CDH9: variants seen among roughly 807,000 people sequenced by gnomAD.
CDH9 encodes cadherin-9.
Under a neutral mutation model 70.9 loss-of-function variants are expected in CDH9, and 28 were observed. The observed-to-expected ratio is 0.40, with a 90% CI of 0.29 to 0.54. The LOEUF (loss-of-function observed/expected upper bound fraction) is 0.54. Among genes scored for constraint, CDH9 ranks in the 20% least tolerant of loss-of-function variants. CDH9 has a pLI of 0.59. For missense variants in CDH9, 874 were observed against 984.4 expected (o/e 0.89, Z 1.50); for synonymous variants, 409 against 343.1 (o/e 1.19, Z -2.12).
At chr5:26,943,332 A>G (rs964749558) in intron 2 of CDH9, among the ~76,000 whole-genome samples, 2 of 151,820 alleles carry the variant, frequency 1.3e-5, no homozygotes, top group Non-Finnish European at 2.9e-5. Flanking sequence ...ACCAACATGG[A>G]AAAACCCTGC....
intron 2 of CDH9, among the ~76,000 whole-genome samples, chr5:26,972,423 T>C (rs1005918987): frequency 6.6e-6 from 1 of 152,160 alleles, no homozygotes; most frequent in Non-Finnish European, 1.5e-5. Flanking sequence ...TGTCCCTCAG[T>C]ATATGTGGGG....
At chr5:27,014,609 T>TAC (rs1743014555) in intron 1 of CDH9, among the ~76,000 whole-genome samples, 1 of 151,860 alleles carries the variant, frequency 6.6e-6, no homozygotes, top group Non-Finnish European at 1.5e-5. Context: ...AACATATATA[T>TAC]ACACACCAAA....
In CDH9 at chr5:26,982,932, G is replaced by A. The variant is rs370287730; in HGVS notation, c.228+5174C>T. Among the ~76,000 whole-genome samples, 21 of 151,974 alleles carry A rather than the reference G, an allele frequency of 1.4e-4. 1 individual carries two copies. Among genetic ancestry groups the A allele is most frequent in the Admixed American group, 2.6e-4 (4 of 15,264 alleles). On this transcript the variant is annotated intron_variant, in intron 2 of 11. Coordinates refer to ENST00000231021, the MANE Select transcript of CDH9 (RefSeq NM_016279.4). Reference sequence around the variant, plus strand: ...AAACTCCTGACCTCGTGATTTACCCGCCTCCGCCTCCCAGAGTGTTAGGAT... The same window carrying A: ...AAACTCCTGACCTCGTGATTTACCCACCTCCGCCTCCCAGAGTGTTAGGAT...
chr5:26,941,999 C>A (rs1741670272), intron 2 of CDH9, among the ~76,000 whole-genome samples: 1 of 152,100 alleles, frequency 6.6e-6, no homozygotes, highest in South Asian at 2.1e-4. Context: ...GTAAAGCCAC[C>A]AGTTCCCCTC....
intron 1 of CDH9, among the ~76,000 whole-genome samples, chr5:27,029,104 T>C (rs1262440961): frequency 6.6e-6 from 1 of 151,998 alleles, no homozygotes; most frequent in African/African-American, 2.4e-5. Context: ...TTAAAAGAGA[T>C]AATTACAAAT....
intron 4 of CDH9, 79 bp from the exon 5 acceptor site, chr5:26,906,205 A>T: frequency 1.7e-6 from 2 of 1,156,776 alleles, no homozygotes; most frequent in Non-Finnish European, 2.5e-6. Flanking sequence ...TCATTTTACA[A>T]AAGTTGATTA....
intron 2 of CDH9, among the ~76,000 whole-genome samples, chr5:26,922,275 A>G (rs1306251158): frequency 6.6e-6 from 1 of 152,030 alleles, no homozygotes. Context: ...AAGAACAACA[A>G]GACATTTACT....
chr5:26,936,811 G>A (rs1315786829), intron 2 of CDH9, among the ~76,000 whole-genome samples: 1 of 151,676 alleles, frequency 6.6e-6, no homozygotes, highest in Non-Finnish European at 1.5e-5. Flanking sequence ...TGGACACTGG[G>A]CATCTGCATT....
chr5:26,975,700 C>G (rs1023165437), intron 2 of CDH9, among the ~76,000 whole-genome samples: 3 of 152,088 alleles, frequency 2.0e-5, no homozygotes, highest in African/African-American at 7.2e-5. Flanking sequence ...AACAAATATA[C>G]AGATAGACAA....
intron 7 of CDH9, among the ~76,000 whole-genome samples, chr5:26,898,693 C>A (rs548133295): frequency 6.6e-6 from 1 of 151,980 alleles, no homozygotes; most frequent in Non-Finnish European, 1.5e-5. Flanking sequence ...AAGACATAAA[C>A]GTAAGACCTA....
intron 1 of CDH9, among the ~76,000 whole-genome samples, chr5:27,004,205 T>C (rs1475525099): frequency 6.6e-6 from 1 of 150,964 alleles, no homozygotes; most frequent in Non-Finnish European, 1.5e-5. Context: ...ATGATATCAA[T>C]GGGAACAGCA....
intron 2 of CDH9, among the ~76,000 whole-genome samples, chr5:26,968,295 A>ATT (rs11433009): frequency 1.1e-4 from 17 of 150,746 alleles, no homozygotes. Context: ...TTTTATTTTT[A>ATT]TTTTTTTTGA....
chr5:26,950,931 A>C (rs1741832961), intron 2 of CDH9, among the ~76,000 whole-genome samples: 1 of 152,168 alleles, frequency 6.6e-6, no homozygotes, highest in African/African-American at 2.4e-5. Context: ...CTGACTAAGC[A>C]AGAGGGTAGA....
chr5:26,988,490 C>T (rs1184159499), intron 1 of CDH9, 108 bp from the exon 2 acceptor site: 1 of 902,624 alleles, frequency 1.1e-6, no homozygotes. Flanking sequence ...TTATTATGTA[C>T]TATATATACA....
chr5:26,962,997 C>A (rs1438479924), intron 2 of CDH9, among the ~76,000 whole-genome samples: 1 of 152,220 alleles, frequency 6.6e-6, no homozygotes, highest in East Asian at 1.9e-4. Flanking sequence ...TTCTCTTGAA[C>A]ACATTTACCT....
chr5:26,955,538 C>T (rs1412658574), intron 2 of CDH9, among the ~76,000 whole-genome samples: 3 of 151,674 alleles, frequency 2.0e-5, no homozygotes, highest in Non-Finnish European at 4.4e-5. Context: ...GTAATTTTCA[C>T]GTGATATCTC....
Position 26,885,469 on chromosome 5 carries a change from T to C in CDH9, c.1882+145A>G. On this transcript the variant is annotated intron_variant, in intron 11 of 11. Coordinates refer to ENST00000231021, the MANE Select transcript of CDH9 (RefSeq NM_016279.4). Reference sequence around the variant, plus strand: ...CCCCACACACAAAAACGCTTATTTTTTCCTAATTGAAAGAAGAATTTTAAT... The same window carrying C: ...CCCCACACACAAAAACGCTTATTTTCTCCTAATTGAAAGAAGAATTTTAAT... 4.0e-6 allele frequency: 3 copies of C among 742,422 alleles called. No homozygotes were observed. In the Middle Eastern group the frequency reaches 1.2e-3, roughly 300 times the overall value. 46.0% of individuals were successfully genotyped at this position (742,422 alleles called of 1,614,324 possible).
intron 2 of CDH9, among the ~76,000 whole-genome samples, chr5:26,951,975 T>TTTTA (rs1741853198): frequency 6.8e-6 from 1 of 147,788 alleles, no homozygotes; most frequent in Non-Finnish European, 1.5e-5. Flanking sequence ...TTTTATTTTA[T>TTTTA]TTTATTTTAT....
intron 2 of CDH9, among the ~76,000 whole-genome samples, chr5:26,926,918 C>CA (rs1554037344): frequency 8.4e-5 from 4 of 47,668 alleles, no homozygotes; most frequent in Non-Finnish European, 9.3e-5. Flanking sequence ...AAAAATACAG[C>CA]CCCCCCCCGC....
Sources: gnomAD v4.1 joint callset for allele counts (sites outside exome capture counted in the v4.1 genomes callset) on GRCh38, gnomAD v4.1.1 for gene constraint, MANE v1.5 for transcripts, NCBI Gene and HGNC (gene_info 2026-07-23, HGNC 2026-07-21) for gene names.